LAMA2: variants seen among roughly 807,000 people sequenced by gnomAD.
LAMA2 encodes the protein laminin subunit alpha-2.
LAMA2 carries 269 observed loss-of-function variants against 364.8 expected under a neutral mutation model. The ratio of observed to expected loss-of-function variants is 0.74; its 90% confidence interval spans 0.67 to 0.82. LAMA2 has a LOEUF of 0.82. LAMA2 is among the 40% of genes least tolerant of loss of function. The pLI, the probability that LAMA2 is intolerant of heterozygous loss-of-function variation, is 0.00. For missense variants in LAMA2, 3,807 were observed against 3,873.2 expected, an observed-to-expected ratio of 0.98 and a Z score of 0.45; for synonymous variants, 1,379 against 1,370.6, an observed-to-expected ratio of 1.01 and a Z score of -0.14.
chr6:129,453,069 G>A lies in LAMA2; in HGVS notation c.6511G>A (p.Val2171Ile). 1 of 1,612,798 alleles carries A rather than the reference G, an allele frequency of 6.2e-7. No individual in the cohort carries two copies. The highest frequency in any genetic ancestry group is 8.5e-7 in the Non-Finnish European group (1 of 1,179,228). The change falls in exon 46 of 65, where the codon GTT becomes ATT. Residue 2171 changes from valine to isoleucine, a missense_variant. Val to Ile is a conservative substitution (Grantham distance 29). Coordinates refer to ENST00000421865, the MANE Select transcript of LAMA2 (RefSeq NM_000426.4). ...CAAGAAAGGAAGTTACAATAATATT[G>A]TTGTCAACGTAAAGACAGCTGTTGC... ...EIKKGSYNNI[V>I]VNVKTAVADN...
chr6:128,928,773 C>T (rs1779256112), intron 1 of LAMA2, among the ~76,000 whole-genome samples: 2 of 152,182 alleles, frequency 1.3e-5, no homozygotes, highest in African/African-American at 2.4e-5. Context: ...GATCAGTTGT[C>T]AAAGTAATGG....
chr6:129,112,565 T>A (rs1776221620), intron 4 of LAMA2, among the ~76,000 whole-genome samples: 1 of 151,956 alleles, frequency 6.6e-6, no homozygotes, highest in Non-Finnish European at 1.5e-5. Flanking sequence ...CATTTAGCTA[T>A]TTTTTTCAAT....
intron 1 of LAMA2, among the ~76,000 whole-genome samples, chr6:128,914,859 A>G (rs953572817): frequency 3.9e-5 from 6 of 152,172 alleles, no homozygotes; most frequent in Non-Finnish European, 7.4e-5. Flanking sequence ...TGTAATGTTT[A>G]AAATGTGTTC....
chr6:128,939,152 A>T (rs1582726083), intron 1 of LAMA2, among the ~76,000 whole-genome samples: 2 of 152,160 alleles, frequency 1.3e-5, no homozygotes, highest in South Asian at 4.1e-4. Flanking sequence ...GCTTTCCTCC[A>T]CAGTTTTGCT....
intron 10 of LAMA2, among the ~76,000 whole-genome samples, chr6:129,181,462 G>GA (rs1252707799): frequency 1.3e-5 from 2 of 151,512 alleles, no homozygotes; most frequent in Non-Finnish European, 2.9e-5. Context: ...AGAAGGAATA[G>GA]AAAAAAGTAA....
chr6:129,070,933 A>C (rs1017573893), intron 3 of LAMA2, among the ~76,000 whole-genome samples: 1 of 152,156 alleles, frequency 6.6e-6, no homozygotes, highest in Admixed American at 6.6e-5. Flanking sequence ...ACTACTACTG[A>C]GACAAAAATA....
At chr6:129,414,015 A>T (rs1195350794) in intron 40 of LAMA2, among the ~76,000 whole-genome samples, 8 of 152,102 alleles carry the variant, frequency 5.3e-5, no homozygotes, top group Non-Finnish European at 1.2e-4. Context: ...AACACAAATG[A>T]ATAGGATCAA....
intron 43 of LAMA2, among the ~76,000 whole-genome samples, chr6:129,441,295 T>C (rs943595153): frequency 6.6e-6 from 1 of 152,216 alleles, no homozygotes. Context: ...TTAATCCGTG[T>C]GTGTAATTAA....
intron 1 of LAMA2, among the ~76,000 whole-genome samples, chr6:128,992,283 A>G (rs1303104141): frequency 6.6e-6 from 1 of 152,194 alleles, no homozygotes; most frequent in Non-Finnish European, 1.5e-5. Context: ...ATTAATTTTT[A>G]TGAAATAATA....
At chr6:129,094,699 C>CT (rs1476889440) in intron 3 of LAMA2, among the ~76,000 whole-genome samples, 2 of 152,204 alleles carry the variant, frequency 1.3e-5, no homozygotes, top group East Asian at 3.9e-4. Flanking sequence ...AAAAAAATCT[C>CT]TATGTTTTTA....
At chr6:129,054,553 A>G (rs1006660702) in intron 2 of LAMA2, among the ~76,000 whole-genome samples, 1 of 151,882 alleles carries the variant, frequency 6.6e-6, no homozygotes, top group Non-Finnish European at 1.5e-5. Flanking sequence ...GACTGTGCAG[A>G]CAGGGAGAAT....
intron 1 of LAMA2, among the ~76,000 whole-genome samples, chr6:128,957,456 A>C (rs560032509): frequency 6.6e-6 from 1 of 151,824 alleles, no homozygotes; most frequent in South Asian, 2.1e-4. Flanking sequence ...TTTTTTCTTT[A>C]ATTTTTCCAG....
At chr6:129,053,232 A>G (rs780471470) in intron 2 of LAMA2, among the ~76,000 whole-genome samples, 4 of 152,026 alleles carry the variant, frequency 2.6e-5, no homozygotes, top group Non-Finnish European at 5.9e-5. Flanking sequence ...TGCCCGGCTA[A>G]TTTTGTATTT....
At chr6:128,917,585 A>G (rs959585770) in intron 1 of LAMA2, among the ~76,000 whole-genome samples, 1 of 152,014 alleles carries the variant, frequency 6.6e-6, no homozygotes, top group Admixed American at 6.6e-5. Context: ...TCCCCATGGA[A>G]TTTTAGTTTC....
intron 3 of LAMA2, among the ~76,000 whole-genome samples, chr6:129,091,545 T>C (rs1774829633): frequency 6.6e-6 from 1 of 152,230 alleles, no homozygotes; most frequent in African/African-American, 2.4e-5. Flanking sequence ...GCTTAGCAAT[T>C]AATTGCAGTA....
chr6:129,465,993 T>A (rs973147675), intron 51 of LAMA2, among the ~76,000 whole-genome samples: 1 of 152,098 alleles, frequency 6.6e-6, no homozygotes. Context: ...ATTACCAATA[T>A]CTGCAAATGA....
chr6:129,477,904 A>G (rs1784151784), intron 53 of LAMA2, among the ~76,000 whole-genome samples: 1 of 152,086 alleles, frequency 6.6e-6, no homozygotes. Flanking sequence ...TCTCCTCAGC[A>G]TCTCCAAGTA....
chr6:129,171,861 GC>G (rs1350821773), intron 9 of LAMA2, among the ~76,000 whole-genome samples: 15 of 103,506 alleles, frequency 1.4e-4, no homozygotes, highest in African/African-American at 5.7e-4. Flanking sequence ...TTTCTTGGAG[GC>G]TTTGCTCATT....
At position 129,334,556 on chromosome 6, in the gene LAMA2, AAAT is replaced by A. The variant is rs566901718; in HGVS notation, c.4311+6147_4311+6149del. Among the ~76,000 whole-genome samples the A allele has an allele frequency of 6.4e-4, 97 of 152,344 alleles. 1 individual carries two copies. Among genetic ancestry groups the A allele is most frequent in the African/African-American group, 2.3e-3 (94 of 41,584 alleles). ...ACCAATCAGTTGATAATTAATCAAAAAATAAGTAAAAAAAATTCATGTCTAGCG... is the reference window on the plus strand; with the variant it reads ...ACCAATCAGTTGATAATTAATCAAAAAAGTAAAAAAAATTCATGTCTAGCG... On this transcript the variant is annotated intron_variant, in intron 29 of 64. Coordinates refer to ENST00000421865, the MANE Select transcript of LAMA2 (RefSeq NM_000426.4).
Sources: gnomAD v4.1 joint callset for allele counts (sites outside exome capture counted in the v4.1 genomes callset) on GRCh38, gnomAD v4.1.1 for gene constraint, MANE v1.5 for transcripts, NCBI Gene and HGNC (gene_info 2026-07-23, HGNC 2026-07-21) for gene names.